GLIS1: variants seen among roughly 807,000 people sequenced by gnomAD.
GLIS1 encodes the protein zinc finger protein GLIS1.
Under a neutral mutation model 63.8 loss-of-function variants are expected in GLIS1, and 24 were observed. That is an observed-to-expected ratio of 0.38 (90% CI 0.27 to 0.53). GLIS1 has a LOEUF of 0.53. Among genes scored for constraint, GLIS1 ranks in the 20% least tolerant of loss-of-function variants. The pLI is 0.85. For synonymous variants in GLIS1, 450 were observed against 482.5 expected (o/e 0.93, Z 0.88); for missense variants, 1,036 against 1,074.1 (o/e 0.96, Z 0.50).
intron 4 of GLIS1, among the ~76,000 whole-genome samples, chr1:53,537,438 C>T (rs1644592273): frequency 6.6e-6 from 1 of 152,254 alleles, no homozygotes; most frequent in Admixed American, 6.5e-5. Context: ...GAGTTGGTGA[C>T]ACCATGCCGC....
At chr1:53,533,158 C>T (rs1227210433) in intron 4 of GLIS1, among the ~76,000 whole-genome samples, 1 of 152,250 alleles carries the variant, frequency 6.6e-6, no homozygotes, top group Non-Finnish European at 1.5e-5. Context: ...ACTCCTGTTG[C>T]TTAAGCACTC....
intron 4 of GLIS1, among the ~76,000 whole-genome samples, chr1:53,532,757 CTG>C (rs1265024237): frequency 6.6e-6 from 1 of 152,216 alleles, no homozygotes; most frequent in African/African-American, 2.4e-5. Flanking sequence ...ATTTTCCTGA[CTG>C]TGGGAGAGTG....
intron 2 of GLIS1, among the ~76,000 whole-genome samples, chr1:53,669,240 C>T (rs1432399459): frequency 6.6e-6 from 1 of 152,142 alleles, no homozygotes; most frequent in African/African-American, 2.4e-5. Context: ...AGGTGAGAGA[C>T]CTGGACACGG....
At chr1:53,641,422 C>T (rs939738354) in intron 2 of GLIS1, among the ~76,000 whole-genome samples, 4 of 152,190 alleles carry the variant, frequency 2.6e-5, no homozygotes, top group Non-Finnish European at 5.9e-5. Context: ...GGAGCTCCAG[C>T]AGTCTGGGGA....
At chr1:53,519,856 G>T (rs1356012698) in intron 7 of GLIS1, among the ~76,000 whole-genome samples, 1 of 152,210 alleles carries the variant, frequency 6.6e-6, no homozygotes, top group Non-Finnish European at 1.5e-5. Flanking sequence ...AGGAGTCAAG[G>T]CCAGGAGCAG....
intron 2 of GLIS1, among the ~76,000 whole-genome samples, chr1:53,709,286 G>T (rs1001811656): frequency 8.9e-5 from 13 of 146,744 alleles, no homozygotes; most frequent in African/African-American, 3.3e-4. Flanking sequence ...AATTTAAATA[G>T]TATGAAGTAA....
At chr1:53,620,647 G>T (rs1004674333) in intron 2 of GLIS1, among the ~76,000 whole-genome samples, 3 of 152,242 alleles carry the variant, frequency 2.0e-5, no homozygotes, top group Non-Finnish European at 4.4e-5. Context: ...GCCTGCAAAG[G>T]CCCATTAACA....
chr1:53,647,424 G>A (rs1399350977), intron 2 of GLIS1, among the ~76,000 whole-genome samples: 2 of 152,174 alleles, frequency 1.3e-5, no homozygotes, highest in Admixed American at 6.5e-5. Flanking sequence ...TGGTAAAGGT[G>A]GCCCTTCAGA....
At chr1:53,710,784 C>G (rs994105380) in intron 2 of GLIS1, among the ~76,000 whole-genome samples, 1 of 152,194 alleles carries the variant, frequency 6.6e-6, no homozygotes, top group African/African-American at 2.4e-5. Flanking sequence ...CCACAGACCC[C>G]CAGCACATGT....
chr1:53,691,158 C>T (rs1646400910), intron 2 of GLIS1, among the ~76,000 whole-genome samples: 1 of 152,126 alleles, frequency 6.6e-6, no homozygotes, highest in African/African-American at 2.4e-5. Flanking sequence ...GAGTTCAAGA[C>T]CAGCCTGGGC....
At chr1:53,581,343 C>T (rs867508853) in intron 4 of GLIS1, among the ~76,000 whole-genome samples, 1 of 152,142 alleles carries the variant, frequency 6.6e-6, no homozygotes, top group Non-Finnish European at 1.5e-5. Context: ...GCAAAACCCC[C>T]CACTTCATAG....
At chr1:53,735,949 C>A (rs1401852042) in intron 2 of GLIS1, among the ~76,000 whole-genome samples, 3 of 152,184 alleles carry the variant, frequency 2.0e-5, no homozygotes, top group Non-Finnish European at 4.4e-5. Flanking sequence ...TGAGCCTTCC[C>A]TTTCTCCCTA....
intron 4 of GLIS1, among the ~76,000 whole-genome samples, chr1:53,538,969 A>G (rs1644610732): frequency 6.6e-6 from 1 of 152,098 alleles, no homozygotes; most frequent in Admixed American, 6.5e-5. Context: ...GGGCTGAGTC[A>G]GCTTCTCTTG....
In GLIS1 at chr1:53,584,193, A is replaced by G. The variant is rs567460164; in HGVS notation, c.1320+9915T>C. Among the ~76,000 whole-genome samples, 7 of 152,318 alleles carry G rather than the reference A, an allele frequency of 4.6e-5. No homozygotes were observed. The East Asian group carries it at 1.3e-3, about 29-fold the overall frequency. The stretch of plus-strand genomic sequence containing the variant: ...CTGCCCATATCACAGTCCTGTGTAC[A>G]ACTCTTCTGAGACTCTCTCCACTCC... On this transcript the variant is annotated intron_variant, in intron 4 of 10. Transcript: ENST00000628545.
chr1:53,599,564 A>G (rs1645294656), intron 3 of GLIS1, among the ~76,000 whole-genome samples: 1 of 152,250 alleles, frequency 6.6e-6, no homozygotes, highest in South Asian at 2.1e-4. Flanking sequence ...ATGTAACAGA[A>G]AATAGACTAA....
intron 2 of GLIS1, among the ~76,000 whole-genome samples, chr1:53,662,564 C>A (rs1387804846): frequency 6.6e-6 from 1 of 152,124 alleles, no homozygotes; most frequent in African/African-American, 2.4e-5. Context: ...TGAGGGCAAA[C>A]CCATCACATG....
At chr1:53,604,197 G>A (rs1166709618) in intron 2 of GLIS1, among the ~76,000 whole-genome samples, 1 of 152,160 alleles carries the variant, frequency 6.6e-6, no homozygotes, top group Non-Finnish European at 1.5e-5. Flanking sequence ...AGGGAGATGG[G>A]GACCTGTAAG....
intron 4 of GLIS1, among the ~76,000 whole-genome samples, chr1:53,583,163 G>A (rs565130249): frequency 6.6e-5 from 10 of 152,272 alleles, no homozygotes; most frequent in African/African-American, 2.4e-4. Context: ...AGCTGGAGGC[G>A]CAGATGTAAC....
intron 2 of GLIS1, chr1:53,734,147 T>A (rs1646891126): frequency 1.0e-6 from 1 of 985,238 alleles, no homozygotes; most frequent in Non-Finnish European, 1.2e-6. Context: ...GGGGTTCACA[T>A]TTGTCGTGAT....
Sources: gnomAD v4.1 joint callset for allele counts (sites outside exome capture counted in the v4.1 genomes callset) on GRCh38, gnomAD v4.1.1 for gene constraint, MANE v1.5 for transcripts, NCBI Gene and HGNC (gene_info 2026-07-23, HGNC 2026-07-21) for gene names.